METTL15: variants seen among roughly 807,000 people sequenced by gnomAD.
The protein encoded by METTL15 is 12S rRNA N(4)-cytidine methyltransferase METTL15.
METTL15 carries 34 observed loss-of-function variants against 38.3 expected under a neutral mutation model. That is an observed-to-expected ratio of 0.89 (90% confidence interval 0.68 to 1.18). The LOEUF (loss-of-function observed/expected upper bound fraction) is 1.18, where lower values mean the gene tolerates loss of function less well. Among genes scored for constraint, METTL15 ranks in the 50% most tolerant of loss-of-function variants. The pLI is 0.00. For synonymous variants in METTL15, 162 were observed against 170.9 expected (o/e 0.95, Z 0.41); for missense variants, 438 against 498.4 (o/e 0.88, Z 1.15).
chr11:28,357,366 C>T (rs980648985), intron 4 of METTL15, among the ~76,000 whole-genome samples: 9 of 152,162 alleles, frequency 5.9e-5, no homozygotes, highest in African/African-American at 2.2e-4. Flanking sequence ...TTCCTTTTCT[C>T]CCTTTCTTCT....
At chr11:28,186,415 C>T (rs1003494314) in intron 3 of METTL15, among the ~76,000 whole-genome samples, 3 of 151,058 alleles carry the variant, frequency 2.0e-5, no homozygotes, top group Non-Finnish European at 4.5e-5. Flanking sequence ...AATAATCTTT[C>T]TTTACAGCAT....
intron 5 of METTL15, among the ~76,000 whole-genome samples, chr11:28,380,966 TG>T (rs1220903336): frequency 6.6e-6 from 1 of 152,158 alleles, no homozygotes; most frequent in African/African-American, 2.4e-5. Context: ...TCTTTTCTCT[TG>T]TTACTCTTAG....
chr11:28,502,100 CAAAA>C (rs371738355), intron 6 of METTL15, among the ~76,000 whole-genome samples: 1 of 121,058 alleles, frequency 8.3e-6, no homozygotes, highest in Admixed American at 8.3e-5. Context: ...GACTCTGTCT[CAAAA>C]AAAAAAAAAA....
chr11:28,441,777 T>C (rs934608228), intron 6 of METTL15, among the ~76,000 whole-genome samples: 1 of 152,212 alleles, frequency 6.6e-6, no homozygotes, highest in Non-Finnish European at 1.5e-5. Context: ...CATTCATTTT[T>C]CCATAAGATA....
chr11:28,489,806 G>A (rs532436298), intron 6 of METTL15, among the ~76,000 whole-genome samples: 6 of 152,240 alleles, frequency 3.9e-5, no homozygotes, highest in African/African-American at 1.2e-4. Context: ...TTTCAGCAAG[G>A]ATTAGATGAA....
chr11:28,502,762 A>T (rs533071685), intron 6 of METTL15, among the ~76,000 whole-genome samples: 1 of 152,240 alleles, frequency 6.6e-6, no homozygotes, highest in African/African-American at 2.4e-5. Flanking sequence ...GATACCTGCA[A>T]AGTAAGCTCA....
intron 6 of METTL15, among the ~76,000 whole-genome samples, chr11:28,452,839 G>A (rs1483976583): frequency 6.6e-6 from 1 of 152,162 alleles, no homozygotes; most frequent in Non-Finnish European, 1.5e-5. Flanking sequence ...CCACAAAGTT[G>A]TTTGTCTTAT....
intron 6 of METTL15, among the ~76,000 whole-genome samples, chr11:28,307,444 C>T (rs1169263695): frequency 1.3e-5 from 2 of 151,884 alleles, no homozygotes; most frequent in Non-Finnish European, 1.5e-5. Flanking sequence ...ATACAATGAG[C>T]TTGACTAGGT....
intron 6 of METTL15, among the ~76,000 whole-genome samples, chr11:28,484,070 T>C (rs1321898017): frequency 6.6e-6 from 1 of 152,092 alleles, no homozygotes; most frequent in Non-Finnish European, 1.5e-5. Context: ...TATATGCATA[T>C]AGAACAAAGC....
At chr11:28,152,710 C>T (rs1850134126) in intron 3 of METTL15, among the ~76,000 whole-genome samples, 1 of 151,874 alleles carries the variant, frequency 6.6e-6, no homozygotes, top group African/African-American at 2.4e-5. Flanking sequence ...ATAACTGTTA[C>T]AGGAAAGGGG....
chr11:28,390,857 A>G (rs1466642316), intron 5 of METTL15, among the ~76,000 whole-genome samples: 1 of 152,184 alleles, frequency 6.6e-6, no homozygotes, highest in African/African-American at 2.4e-5. Flanking sequence ...CTTCCTACCC[A>G]TAAGCATGTA....
chr11:28,376,659 A>G (rs181596102), intron 5 of METTL15, among the ~76,000 whole-genome samples: 1 of 151,740 alleles, frequency 6.6e-6, no homozygotes, highest in East Asian at 2.0e-4. Flanking sequence ...GTCAATTTAC[A>G]TTTAAAGTTA....
At chr11:28,241,314 G>T (rs368066015) in intron 4 of METTL15, among the ~76,000 whole-genome samples, 1 of 151,998 alleles carries the variant, frequency 6.6e-6, no homozygotes, top group Non-Finnish European at 1.5e-5. Flanking sequence ...CAGGCGGATC[G>T]CAAGGTCAGG....
intron 6 of METTL15, among the ~76,000 whole-genome samples, chr11:28,497,025 G>A (rs1224254031): frequency 1.3e-5 from 2 of 152,198 alleles, no homozygotes; most frequent in Non-Finnish European, 2.9e-5. Context: ...AAAGGAAGCT[G>A]AAGACTCCAT....
intron 3 of METTL15, among the ~76,000 whole-genome samples, chr11:28,162,363 C>T (rs1850496960): frequency 6.6e-6 from 1 of 152,196 alleles, no homozygotes; most frequent in South Asian, 2.1e-4. Flanking sequence ...TCACAGGTTT[C>T]AGAGCAGTTT....
chr11:28,419,108 C>T lies in METTL15; in HGVS notation c.*359-5191C>T, dbSNP rs536469623. ...GTAGCTAAAGAACTGCTTGTATCAC[C>T]TGCTGATTGTAGAGCCCTAGAGCCT... On this transcript the variant is annotated intron_variant and NMD_transcript_variant, in intron 5 of 7. Coordinates refer to the METTL15 transcript ENST00000532947. 1.4e-4 allele frequency among the ~76,000 whole-genome samples: 21 copies of T among 152,318 alleles called. No individual in the cohort carries two copies. The South Asian group carries it at 3.9e-3, about 29-fold the overall frequency.
chr11:28,192,329 A>G (rs1413906231), intron 3 of METTL15, among the ~76,000 whole-genome samples: 1 of 151,876 alleles, frequency 6.6e-6, no homozygotes, highest in Non-Finnish European at 1.5e-5. Flanking sequence ...ATTCCAAAAT[A>G]ATAGTTGATT....
chr11:28,119,288 CT>C (rs1283941936), intron 3 of METTL15, among the ~76,000 whole-genome samples: 1 of 152,188 alleles, frequency 6.6e-6, no homozygotes, highest in Non-Finnish European at 1.5e-5. Context: ...CATTATATCT[CT>C]AGTGCTTAGC....
chr11:28,498,258 A>G (rs1265692978), intron 6 of METTL15, among the ~76,000 whole-genome samples: 1 of 152,020 alleles, frequency 6.6e-6, no homozygotes, highest in Non-Finnish European at 1.5e-5. Context: ...TCCTGGGTTC[A>G]CGCCATTCTC....
Sources: allele counts gnomAD v4.1 joint callset (sites outside exome capture counted in the v4.1 genomes callset), GRCh38; gene constraint gnomAD v4.1.1; transcripts MANE v1.5; gene names NCBI Gene and HGNC (gene_info 2026-07-23, HGNC 2026-07-21).